FMNL2: variants seen among roughly 807,000 people sequenced by gnomAD.
FMNL2 encodes the protein formin like 2.
A neutral mutation model predicts 130.2 loss-of-function variants in FMNL2; 51 were observed. That is an observed-to-expected ratio of 0.39 (90% confidence interval 0.31 to 0.49). FMNL2 has a LOEUF of 0.49. FMNL2 is among the 20% of genes least tolerant of loss of function. The pLI is 0.85. For synonymous variants in FMNL2, 465 were observed against 467.1 expected (o/e 1.00, Z 0.06); for missense variants, 977 against 1,316.2 (o/e 0.74, Z 3.99).
chr2:152,560,972 G>A lies in FMNL2; in HGVS notation c.533G>A (p.Gly178Glu). 2 of 1,607,754 alleles carry A rather than the reference G, an allele frequency of 1.2e-6. No homozygotes were observed. Among genetic ancestry groups the A allele is most frequent in the Middle Eastern group, 1.7e-4 (1 of 6,054 alleles). The change falls in exon 6 of 26, where the codon GGG becomes GAG. Residue 178 changes from glycine to glutamate, a missense_variant. Gly to Glu is a moderately conservative substitution (Grantham distance 98). This residue lies in a region of FMNL2 where 689 missense variants were observed against 995.9 expected (regional missense o/e 0.69). Coordinates refer to ENST00000288670, the MANE Select transcript of FMNL2 (RefSeq NM_052905.4). ...AGGTCCATCGAGGACCTGCACAGAG[G>A]GAGCAACCTGCCCTCACCTGTGGGC... ...WSRSIEDLHR[G>E]SNLPSPVGNS...
chr2:152,459,055 G>A lies in FMNL2; in HGVS notation c.118-62888G>A, dbSNP rs1689102776. 2.0e-5 allele frequency among the ~76,000 whole-genome samples: 3 copies of A among 152,188 alleles called. No homozygotes were observed. The South Asian group carries it at 6.2e-4, about 32-fold the overall frequency. On this transcript the variant is annotated intron_variant, in intron 1 of 25. Transcript: ENST00000288670. Reference sequence around the variant, plus strand: ...CAGTTGAGAATTGGTAATAACCATTGTAATGGCAAAATCACCAAACCTCTA... The same window carrying A: ...CAGTTGAGAATTGGTAATAACCATTATAATGGCAAAATCACCAAACCTCTA...
intron 1 of FMNL2, among the ~76,000 whole-genome samples, chr2:152,461,134 G>C (rs572708348): frequency 6.6e-6 from 1 of 152,256 alleles, no homozygotes; most frequent in South Asian, 2.1e-4. Flanking sequence ...ATTTGGAACA[G>C]AGCTGAACAA....
intron 12 of FMNL2, among the ~76,000 whole-genome samples, chr2:152,616,158 T>A (rs1698933615): frequency 6.6e-6 from 1 of 152,148 alleles, no homozygotes. Flanking sequence ...AGTTGCTCAG[T>A]GTTAGAGCCC....
chr2:152,368,995 G>A, intron 1 of FMNL2, among the ~76,000 whole-genome samples: 1 of 152,084 alleles, frequency 6.6e-6, no homozygotes, highest in East Asian at 1.9e-4. Context: ...TTTTTAGTCT[G>A]GACATCTTTT....
intron 1 of FMNL2, among the ~76,000 whole-genome samples, chr2:152,498,293 A>G (rs1197374806): frequency 2.0e-5 from 3 of 152,224 alleles, no homozygotes; most frequent in Non-Finnish European, 4.4e-5. Context: ...CAAAAATTTG[A>G]AAAAGTATTG....
chr2:152,395,006 T>G (rs920861980), intron 1 of FMNL2, among the ~76,000 whole-genome samples: 1 of 152,254 alleles, frequency 6.6e-6, no homozygotes, highest in Non-Finnish European at 1.5e-5. Flanking sequence ...GCTTTTATTT[T>G]CTGACAGCAC....
intron 1 of FMNL2, among the ~76,000 whole-genome samples, chr2:152,418,989 TTTAA>T (rs1207339922): frequency 6.6e-6 from 1 of 151,830 alleles, no homozygotes; most frequent in Admixed American, 6.6e-5. Flanking sequence ...TTTTTTTTTT[TTTAA>T]TAATAGTCAT....
At chr2:152,470,903 C>G (rs984355499) in intron 1 of FMNL2, among the ~76,000 whole-genome samples, 4 of 152,162 alleles carry the variant, frequency 2.6e-5, no homozygotes, top group Non-Finnish European at 5.9e-5. Context: ...GGGAGCAGAG[C>G]AGGAACTTTG....
intron 6 of FMNL2, among the ~76,000 whole-genome samples, chr2:152,562,445 C>T (rs1490026705): frequency 1.3e-5 from 2 of 152,208 alleles, no homozygotes; most frequent in African/African-American, 4.8e-5. Flanking sequence ...GTCTAATTAC[C>T]TCTTGTCCCT....
At chr2:152,525,874 A>G (rs1432586499) in intron 2 of FMNL2, among the ~76,000 whole-genome samples, 1 of 152,184 alleles carries the variant, frequency 6.6e-6, no homozygotes, top group African/African-American at 2.4e-5. Flanking sequence ...TGTCTTTTTC[A>G]ACACAGCTGA....
intron 1 of FMNL2, among the ~76,000 whole-genome samples, chr2:152,411,911 C>A (rs1266409424): frequency 6.6e-6 from 1 of 152,130 alleles, no homozygotes; most frequent in East Asian, 1.9e-4. Flanking sequence ...GTGGGTGGGG[C>A]TGTGTGTTAG....
chr2:152,541,656 A>G (rs1694315870), intron 2 of FMNL2, among the ~76,000 whole-genome samples: 2 of 152,146 alleles, frequency 1.3e-5, no homozygotes, highest in African/African-American at 4.8e-5. Flanking sequence ...TATACACACA[A>G]TATAAAACCA....
chr2:152,548,944 T>A, intron 3 of FMNL2, 77 bp from the exon 4 acceptor site: 1 of 1,154,176 alleles, frequency 8.7e-7, no homozygotes, highest in East Asian at 2.8e-5. Context: ...TCATATTGTG[T>A]TAAATTTATT....
At chr2:152,345,330 T>C (rs1030289299) in intron 1 of FMNL2, among the ~76,000 whole-genome samples, 56 of 152,192 alleles carry the variant, frequency 3.7e-4, no homozygotes, top group African/African-American at 1.4e-3. Flanking sequence ...TCTGCCCTCA[T>C]TGAATAAATT....
intron 1 of FMNL2, among the ~76,000 whole-genome samples, chr2:152,370,407 A>G (rs1028309857): frequency 6.6e-6 from 1 of 152,168 alleles, no homozygotes; most frequent in African/African-American, 2.4e-5. Flanking sequence ...AATACCATCA[A>G]GTTGGGGGCT....
chr2:152,511,586 C>T (rs1692497682), intron 1 of FMNL2, among the ~76,000 whole-genome samples: 1 of 152,168 alleles, frequency 6.6e-6, no homozygotes, highest in Admixed American at 6.5e-5. Context: ...TAAACTTGAA[C>T]TCTTTTCCTC....
chr2:152,592,495 G>A (rs1697493518), intron 9 of FMNL2, among the ~76,000 whole-genome samples: 1 of 152,144 alleles, frequency 6.6e-6, no homozygotes, highest in Non-Finnish European at 1.5e-5. Context: ...GAAAGCATGA[G>A]CAGAGTTCAG....
intron 1 of FMNL2, among the ~76,000 whole-genome samples, chr2:152,367,976 C>T (rs1310926714): frequency 6.6e-6 from 1 of 152,152 alleles, no homozygotes; most frequent in African/African-American, 2.4e-5. Flanking sequence ...GGTTCGTGTT[C>T]TTGACCTACT....
chr2:152,438,202 T>C (rs1687869470), intron 1 of FMNL2, among the ~76,000 whole-genome samples: 1 of 152,258 alleles, frequency 6.6e-6, no homozygotes, highest in Non-Finnish European at 1.5e-5. Flanking sequence ...AGAAGGCCTG[T>C]TCAGCATTGG....
Sources: allele counts gnomAD v4.1 joint callset (sites outside exome capture counted in the v4.1 genomes callset), GRCh38; gene constraint gnomAD v4.1.1; regional missense constraint gnomAD v4.1.1; transcripts MANE v1.5; gene names NCBI Gene and HGNC (gene_info 2026-07-23, HGNC 2026-07-21).